The following GLI2 variants were observed in gnomAD, a reference collection of about 807,000 sequenced individuals.
The protein encoded by GLI2 is transcription activator GLI2.
In GLI2, 22 loss-of-function variants were observed where a neutral mutation model predicts 78.9. The observed-to-expected ratio is 0.28, with a 90% CI of 0.20 to 0.40. The LOEUF is 0.40. Ranked by LOEUF, GLI2 falls within the 10% of genes least tolerant of loss-of-function variation. GLI2 has a pLI of 1.00. For synonymous variants in GLI2, 974 were observed against 963.7 expected, an observed-to-expected ratio of 1.01 and a Z score of -0.20; for missense variants, 2,097 against 2,213.2, an observed-to-expected ratio of 0.95 and a Z score of 1.05.
At chr2:120,952,168 A>C (rs779129707) in intron 4 of GLI2, among the ~76,000 whole-genome samples, 8 of 152,210 alleles carry the variant, frequency 5.3e-5, no homozygotes, top group Non-Finnish European at 1.0e-4. Context: ...TCTCCCTGGG[A>C]AGTGCACCCC....
At chr2:120,955,106 A>T (rs995726878) in intron 4 of GLI2, 139 bp from the exon 5 acceptor site, 9 of 684,488 alleles carry the variant, frequency 1.3e-5, no homozygotes, top group Middle Eastern at 3.9e-4. Context: ...AGTGGGGGAA[A>T]ATGCCGAGGA....
At chr2:120,965,300 G>C (rs1681789664) in intron 5 of GLI2, among the ~76,000 whole-genome samples, 1 of 149,978 alleles carries the variant, frequency 6.7e-6, no homozygotes, top group Non-Finnish European at 1.5e-5. Context: ...TGCAGATGCT[G>C]TAACAGAGGG....
chr2:120,889,992 C>T (rs1355589489), intron 2 of GLI2, among the ~76,000 whole-genome samples: 1 of 152,162 alleles, frequency 6.6e-6, no homozygotes, highest in Non-Finnish European at 1.5e-5. Flanking sequence ...TTTATATTCA[C>T]ACAAAAACCT....
chr2:120,836,357 G>A (rs1686610955), intron 2 of GLI2, among the ~76,000 whole-genome samples: 4 of 152,090 alleles, frequency 2.6e-5, no homozygotes, highest in Admixed American at 2.6e-4. Flanking sequence ...TTTTTTCTGT[G>A]CACAAGATTA....
At position 120,873,191 on chromosome 2, in the gene GLI2, C is replaced by A. The variant is rs569344778; in HGVS notation, c.149-54170C>A. Among the ~76,000 whole-genome samples, 228 of 152,308 alleles carry A rather than the reference C, an allele frequency of 1.5e-3. 2 individuals carry two copies. Among genetic ancestry groups the A allele is most frequent in the South Asian group, 6.8e-3 (33 of 4,820 alleles). ...GTTTTTCTGCAGTTGCAGTCTCAAA[C>A]TTTTTGGTCTCAGGACCCCTTTATA... On this transcript the variant is annotated intron_variant, in intron 2 of 13. Transcript: ENST00000361492.
intron 2 of GLI2, among the ~76,000 whole-genome samples, chr2:120,820,371 G>A (rs115788985): frequency 0.014 from 2,106 of 152,292 alleles, 54 homozygotes; most frequent in African/African-American, 0.047. Flanking sequence ...GCTGGACGCC[G>A]GAGTTCCCTG....
chr2:120,877,124 G>A (rs1407838375), intron 2 of GLI2, among the ~76,000 whole-genome samples: 1 of 152,138 alleles, frequency 6.6e-6, no homozygotes, highest in Admixed American at 6.5e-5. Flanking sequence ...ACCTTGGGGT[G>A]GCTTGCCTGG....
chr2:120,762,942 C>T (rs1347912421), intron 1 of GLI2, among the ~76,000 whole-genome samples: 1 of 152,198 alleles, frequency 6.6e-6, no homozygotes, highest in East Asian at 1.9e-4. Flanking sequence ...TGGCTGGGGA[C>T]TCGAGAGGAC....
At chr2:120,792,308 T>C (rs1684184659) in intron 1 of GLI2, 1 of 152,226 alleles carries the variant, frequency 6.6e-6, no homozygotes, top group South Asian at 2.1e-4. Flanking sequence ...CCTACAATAA[T>C]GCTATAAATG....
At chr2:120,885,552 A>C (rs1397712090) in intron 2 of GLI2, among the ~76,000 whole-genome samples, 1 of 152,092 alleles carries the variant, frequency 6.6e-6, no homozygotes, top group Non-Finnish European at 1.5e-5. Flanking sequence ...CATCTCACCG[A>C]CTGCCTCAGA....
intron 2 of GLI2, among the ~76,000 whole-genome samples, chr2:120,866,090 G>A (rs990905882): frequency 6.6e-6 from 1 of 152,236 alleles, no homozygotes; most frequent in African/African-American, 2.4e-5. Context: ...TGATTTCTTG[G>A]CTTAAGATGG....
chr2:120,870,446 G>C (rs550579858), intron 2 of GLI2, among the ~76,000 whole-genome samples: 1 of 152,148 alleles, frequency 6.6e-6, no homozygotes, highest in African/African-American at 2.4e-5. Context: ...TGGTGTCAAC[G>C]CCCTCATTTC....
intron 1 of GLI2, among the ~76,000 whole-genome samples, chr2:120,791,891 C>T (rs1188704801): frequency 3.9e-5 from 6 of 151,904 alleles, no homozygotes; most frequent in South Asian, 2.1e-4. Context: ...TATGGTTTGT[C>T]GGCGTATGTT....
chr2:120,817,904 T>C (rs1265665077), intron 2 of GLI2, among the ~76,000 whole-genome samples: 1 of 152,178 alleles, frequency 6.6e-6, no homozygotes, highest in Non-Finnish European at 1.5e-5. Flanking sequence ...AGGGGATGGA[T>C]CCGCACGGGA....
At chr2:120,946,229 A>G (rs1204203026) in intron 3 of GLI2, among the ~76,000 whole-genome samples, 2 of 152,088 alleles carry the variant, frequency 1.3e-5, no homozygotes, top group South Asian at 2.1e-4. Flanking sequence ...TGAGCTGCCT[A>G]CAGGTCCCTA....
In GLI2 at chr2:120,992,044, A is replaced by T. The variant is rs1037391250; in HGVS notation, c.*1369A>T. ...CACACACACACACACACACACACAC[A>T]CACACACCCCAAACCTTTTCATGGG... On this transcript the variant is annotated 3_prime_UTR_variant, in exon 14 of 14. Coordinates refer to ENST00000361492, the MANE Select transcript of GLI2 (RefSeq NM_001374353.1). 4 of 151,656 alleles carry T rather than the reference A, an allele frequency of 2.6e-5. No homozygotes were observed. Among genetic ancestry groups the T allele is most frequent in the African/African-American group, 1.0e-4 (4 of 39,246 alleles). 9.4% of individuals were successfully genotyped at this position (151,656 alleles called of 1,614,324 possible).
At chr2:120,852,734 A>G (rs1157849057) in intron 2 of GLI2, among the ~76,000 whole-genome samples, 1 of 152,192 alleles carries the variant, frequency 6.6e-6, no homozygotes, top group Non-Finnish European at 1.5e-5. Context: ...CAAACATCCC[A>G]GTGAGGAGGT....
intron 1 of GLI2, among the ~76,000 whole-genome samples, chr2:120,765,831 C>T (rs966922524): frequency 1.3e-5 from 2 of 152,324 alleles, no homozygotes; most frequent in East Asian, 1.9e-4. Context: ...TTTTGAAGTT[C>T]GCTGCCTGAT....
chr2:120,921,693 C>G (rs1313592639), intron 2 of GLI2, among the ~76,000 whole-genome samples: 2 of 152,140 alleles, frequency 1.3e-5, no homozygotes, highest in Non-Finnish European at 2.9e-5. Flanking sequence ...GCACTGGACC[C>G]TCCTTGTACA....
Sources: gnomAD v4.1 joint callset for allele counts (sites outside exome capture counted in the v4.1 genomes callset) on GRCh38, gnomAD v4.1.1 for gene constraint, MANE v1.5 for transcripts, NCBI Gene and HGNC (gene_info 2026-07-23, HGNC 2026-07-21) for gene names.